The following CNTNAP4 variants were observed in gnomAD, a reference collection of about 807,000 sequenced individuals.
CNTNAP4 encodes the protein contactin associated protein family member 4.
In CNTNAP4, 98 loss-of-function variants were observed where a neutral mutation model predicts 148.4. The observed-to-expected ratio is 0.66, with a 90% confidence interval of 0.56 to 0.78. The LOEUF is 0.78. Among genes scored for constraint, CNTNAP4 ranks in the 30% least tolerant of loss-of-function variants. The pLI, the probability that CNTNAP4 is intolerant of heterozygous loss-of-function variation, is 0.00. For missense variants in CNTNAP4, 1,935 were observed against 1,565.6 expected (o/e 1.24, Z -3.98); for synonymous variants, 730 against 565.1 (o/e 1.29, Z -4.14).
intron 3 of CNTNAP4, among the ~76,000 whole-genome samples, chr16:76,397,938 TTATATACATATATA>T (rs1343738193): frequency 0.021 from 1,311 of 62,172 alleles, 281 homozygotes; most frequent in Non-Finnish European, 0.028. Context: ...AACTAATAGA[TTATATACATATATA>T]TATATATATA....
At chr16:76,336,688 A>T (rs1050014998) in intron 2 of CNTNAP4, among the ~76,000 whole-genome samples, 1 of 152,262 alleles carries the variant, frequency 6.6e-6, no homozygotes, top group African/African-American at 2.4e-5. Context: ...TAGCTTAAAT[A>T]ACTTGTTTCC....
Position 76,460,650 on chromosome 16 carries a change from C to A in CNTNAP4, c.1334-1306C>A, listed in dbSNP as rs181015438. ...TGGTGGCAAGCGCCTGTAGTCCCAG[C>A]TACATTGAAGGAGAGTGGCTTGAAC... On this transcript the variant is annotated intron_variant, in intron 8 of 23. Coordinates refer to ENST00000611870, the MANE Select transcript of CNTNAP4 (RefSeq NM_033401.5). Among the ~76,000 whole-genome samples the A allele has an allele frequency of 1.7e-3, 250 of 144,186 alleles. 1 individual carries two copies. Among genetic ancestry groups the A allele is most frequent in the African/African-American group, 6.0e-3 (237 of 39,310 alleles). The allele number at this position is 144,186 out of a possible 152,430, so 94.6% of individuals were successfully genotyped here.
At chr16:76,539,066 T>C (rs189065807) in intron 19 of CNTNAP4, among the ~76,000 whole-genome samples, 16 of 152,180 alleles carry the variant, frequency 1.1e-4, no homozygotes, top group African/African-American at 7.2e-5. Flanking sequence ...GATAAGTGTA[T>C]TTATTCTTAC....
intron 3 of CNTNAP4, among the ~76,000 whole-genome samples, chr16:76,365,310 A>T (rs2013977445): frequency 6.6e-6 from 1 of 152,140 alleles, no homozygotes; most frequent in South Asian, 2.1e-4. Flanking sequence ...AGGTACTGTG[A>T]TGGTTCCAGC....
At chr16:76,369,698 C>T (rs2014571660) in intron 3 of CNTNAP4, among the ~76,000 whole-genome samples, 2 of 152,096 alleles carry the variant, frequency 1.3e-5, no homozygotes, top group South Asian at 4.1e-4. Context: ...AAAAATTAAC[C>T]AGGTGGGGTG....
chr16:76,369,757 G>A (rs541021364), intron 3 of CNTNAP4, among the ~76,000 whole-genome samples: 5 of 152,258 alleles, frequency 3.3e-5, no homozygotes, highest in South Asian at 2.1e-4. Context: ...CAGGAGGATC[G>A]CTTCAGCCTG....
intron 3 of CNTNAP4, among the ~76,000 whole-genome samples, chr16:76,398,453 C>G (rs1237433264): frequency 6.6e-6 from 1 of 152,140 alleles, no homozygotes; most frequent in Non-Finnish European, 1.5e-5. Context: ...GTCTTCCCTA[C>G]CCACTTTTCC....
chr16:76,484,151 A>C (rs1219786595), intron 12 of CNTNAP4, among the ~76,000 whole-genome samples: 2 of 151,478 alleles, frequency 1.3e-5, no homozygotes, highest in East Asian at 3.9e-4. Flanking sequence ...AAACAATTCT[A>C]AGAGACCTGA....
At chr16:76,444,698 A>T (rs1298871449) in intron 4 of CNTNAP4, among the ~76,000 whole-genome samples, 11 of 152,186 alleles carry the variant, frequency 7.2e-5, no homozygotes, top group Admixed American at 7.2e-4. Context: ...ATTGCTTATA[A>T]AAAGTGACCT....
At chr16:76,336,516 T>C (rs759625465) in intron 2 of CNTNAP4, among the ~76,000 whole-genome samples, 1 of 152,264 alleles carries the variant, frequency 6.6e-6, no homozygotes, top group Middle Eastern at 3.4e-3. Context: ...AGCCAAAATA[T>C]AATGATGTTG....
At chr16:76,436,753 C>A (rs1293931852) in intron 4 of CNTNAP4, among the ~76,000 whole-genome samples, 1 of 152,082 alleles carries the variant, frequency 6.6e-6, no homozygotes, top group African/African-American at 2.4e-5. Flanking sequence ...TTTTGCCTAA[C>A]TCTCTAAACA....
Position 76,507,450 on chromosome 16 carries a change from T to G in CNTNAP4, c.2365+8756T>G, listed in dbSNP as rs1448130967. Among the ~76,000 whole-genome samples the G allele has an allele frequency of 1.1e-4, 11 of 97,358 alleles. 1 individual carries two copies. Among genetic ancestry groups the G allele is most frequent in the African/African-American group, 2.6e-4 (10 of 38,896 alleles). 63.9% of individuals were successfully genotyped at this position (97,358 alleles called of 152,430 possible). On this transcript the variant is annotated intron_variant, in intron 15 of 23. Transcript: ENST00000611870. The stretch of plus-strand genomic sequence containing the variant: ...GTTAAATTGTTTTCATTTTTAGACC[T>G]CACAAATAAATTAAAACTTGCAATG...
At chr16:76,342,596 C>G (rs1384273963) in intron 2 of CNTNAP4, among the ~76,000 whole-genome samples, 2 of 151,102 alleles carry the variant, frequency 1.3e-5, no homozygotes, top group Non-Finnish European at 2.9e-5. Context: ...TGTCAGCCTC[C>G]CAAGCAGCTG....
intron 3 of CNTNAP4, among the ~76,000 whole-genome samples, chr16:76,427,134 A>G (rs916504522): frequency 2.0e-5 from 3 of 152,212 alleles, no homozygotes; most frequent in Admixed American, 6.6e-5. Flanking sequence ...CACAATGTTA[A>G]GTGCTACAGA....
At chr16:76,282,159 A>G (rs1232131129) in intron 1 of CNTNAP4, among the ~76,000 whole-genome samples, 2 of 151,906 alleles carry the variant, frequency 1.3e-5, no homozygotes, top group African/African-American at 4.8e-5. Flanking sequence ...GTGGTACTGA[A>G]CGCAATGCTA....
At chr16:76,313,224 C>T (rs1961334195) in intron 1 of CNTNAP4, among the ~76,000 whole-genome samples, 1 of 152,004 alleles carries the variant, frequency 6.6e-6, no homozygotes, top group Non-Finnish European at 1.5e-5. Flanking sequence ...ATATATGTTC[C>T]CTAGAGTGGT....
chr16:76,364,833 A>C (rs901947605), intron 3 of CNTNAP4, among the ~76,000 whole-genome samples: 2 of 152,204 alleles, frequency 1.3e-5, no homozygotes, highest in Non-Finnish European at 2.9e-5. Flanking sequence ...TTGCCTGTTC[A>C]GTCTGATGAT....
intron 21 of CNTNAP4, among the ~76,000 whole-genome samples, chr16:76,543,814 T>C (rs894693472): frequency 6.6e-6 from 1 of 152,188 alleles, no homozygotes; most frequent in Non-Finnish European, 1.5e-5. Context: ...AGCCCAGCAG[T>C]GGGGACCCTT....
In CNTNAP4 at chr16:76,451,189, G is replaced by A. The variant is rs188990294; in HGVS notation, c.1072-1319G>A. On this transcript the variant is annotated intron_variant, in intron 7 of 23. Coordinates refer to ENST00000611870, the MANE Select transcript of CNTNAP4 (RefSeq NM_033401.5). ...AGCCGCTGTGTGACCACCCCTCATC[G>A]CACATGATTAGAAAAACAACCTTAG... Among the ~76,000 whole-genome samples the A allele has an allele frequency of 6.9e-3, 1,046 of 152,250 alleles. 8 individuals carry two copies. Among genetic ancestry groups the A allele is most frequent in the Non-Finnish European group, 0.01 (699 of 68,014 alleles).
Sources: gnomAD v4.1 joint callset for allele counts (sites outside exome capture counted in the v4.1 genomes callset) on GRCh38, gnomAD v4.1.1 for gene constraint, MANE v1.5 for transcripts, NCBI Gene and HGNC (gene_info 2026-07-23, HGNC 2026-07-21) for gene names.